Variants in AGTR1 observed in about 807,000 individuals in gnomAD.
AGTR1 encodes the protein type-1 angiotensin II receptor.
AGTR1 carries 16 observed loss-of-function variants against 19.4 expected under a neutral mutation model. That is an observed-to-expected ratio of 0.82 (90% confidence interval 0.56 to 1.25). The LOEUF is 1.25. AGTR1 is among the 50% of genes most tolerant of loss of function. The probability of loss-of-function intolerance (pLI) is 0.00; values close to 1 mark genes in which losing one functional copy is unlikely to be tolerated. For synonymous variants in AGTR1, 153 were observed against 154.9 expected, an observed-to-expected ratio of 0.99 and a Z score of 0.09; for missense variants, 373 against 431.9, an observed-to-expected ratio of 0.86 and a Z score of 1.21.
rs1714885940 is a variant in AGTR1 at position 148,741,519 on chromosome 3, C to T, written c.484C>T (p.Pro162Ser). 6.2e-7 allele frequency: 1 copy of T among 1,613,910 alleles called. No homozygotes were observed. Among genetic ancestry groups the T allele is most frequent in the Non-Finnish European group, 8.5e-7 (1 of 1,179,994 alleles). Reference sequence around the variant, plus strand: ...GCTGCTGGCAGGCTTGGCCAGTTTGCCAGCTATAATCCATCGAAATGTATT... The same window carrying T: ...GCTGCTGGCAGGCTTGGCCAGTTTGTCAGCTATAATCCATCGAAATGTATT... ...IWLLAGLASL[P>S]AIIHRNVFFI... Residue 162 changes from proline (P) to serine (S), a missense_variant, in exon 3 of 3, where the codon CCA (proline) becomes TCA (serine). Physicochemically the swap from Pro to Ser is moderately conservative, Grantham distance 74. Coordinates refer to ENST00000349243, the MANE Select transcript of AGTR1 (RefSeq NM_000685.5).
chr3:148,717,189 G>A (rs770266525), intron 2 of AGTR1, among the ~76,000 whole-genome samples: 51 of 151,978 alleles, frequency 3.4e-4, no homozygotes, highest in Non-Finnish European at 7.2e-4. Flanking sequence ...TATAAAGGAA[G>A]ACAAAAAAGA....
intron 2 of AGTR1, 148 bp from the exon 3 acceptor site, chr3:148,740,839 TCA>T (rs1301528013): frequency 2.9e-6 from 2 of 686,538 alleles, no homozygotes; most frequent in African/African-American, 3.6e-5. Flanking sequence ...CTTTATCAGT[TCA>T]CAGTGTTTCC....
chr3:148,737,246 T>C (rs1407843026), intron 2 of AGTR1, among the ~76,000 whole-genome samples: 1 of 152,012 alleles, frequency 6.6e-6, no homozygotes, highest in Non-Finnish European at 1.5e-5. Context: ...GCAATATCTG[T>C]TAATTTATGA....
At chr3:148,734,150 G>A (rs913376561) in intron 2 of AGTR1, among the ~76,000 whole-genome samples, 3 of 152,196 alleles carry the variant, frequency 2.0e-5, no homozygotes, top group Non-Finnish European at 2.9e-5. Context: ...AAGTTTAATT[G>A]TAGTTTAGAG....
At position 148,700,169 on chromosome 3, in the gene AGTR1, G is replaced by A. The variant is rs148638457; in HGVS notation, c.-132+2042G>A. ...GGATCAGAGTTGTGTGAGTATTTGTGTATATAATTTTGTTTTGGTTTTTTG... is the reference window on the plus strand; with the variant it reads ...GGATCAGAGTTGTGTGAGTATTTGTATATATAATTTTGTTTTGGTTTTTTG... On this transcript the variant is annotated intron_variant, in intron 1 of 2. Transcript: ENST00000349243. Among the ~76,000 whole-genome samples the A allele has an allele frequency of 3.4e-3, 524 of 152,106 alleles. 3 individuals carry two copies. The highest frequency in any genetic ancestry group is 0.012 in the African/African-American group (503 of 41,464).
At chr3:148,710,901 CCT>C (rs897113913) in intron 2 of AGTR1, among the ~76,000 whole-genome samples, 8 of 151,906 alleles carry the variant, frequency 5.3e-5, no homozygotes, top group African/African-American at 1.7e-4. Flanking sequence ...ACACCTCCCC[CCT>C]CTCTCTCTTG....
intron 2 of AGTR1, chr3:148,730,599 T>C (rs919630403): frequency 6.1e-6 from 1 of 164,598 alleles, no homozygotes; most frequent in Non-Finnish European, 1.3e-5. Context: ...GTTGGATTGG[T>C]TTTGCCTGTT....
At position 148,741,998 on chromosome 3, in the gene AGTR1, C is replaced by A; in HGVS notation, c.963C>A (p.Pro321=). ...TTCTCCAGCTTCTAAAATATATTCC[C>A]CCAAAAGCCAAATCCCACTCAAACC... is the stretch of plus-strand genomic sequence containing the variant. The part of the protein sequence containing the change: ...RYFLQLLKYI[P]PKAKSHSNLS... The change falls in exon 3 of 3, where the codon CCC becomes CCA. Residue 321 remains proline (P), a synonymous_variant. Transcript: ENST00000349243. 1 of 1,613,428 alleles carries A rather than the reference C, an allele frequency of 6.2e-7. No individual in the cohort carries two copies.
rs192285605 is a variant in AGTR1 at position 148,706,937 on chromosome 3, G to T, written c.-131-1007G>T. Among the ~76,000 whole-genome samples the T allele has an allele frequency of 2.1e-3, 321 of 152,008 alleles. 1 individual carries two copies. The highest frequency in any genetic ancestry group is 7.4e-3 in the African/African-American group (307 of 41,522). ...CATATACAAACAATTTGGTTCAACA[G>T]TCTGTTAGAATTTATTATATAGATA... On this transcript the variant is annotated intron_variant, in intron 1 of 2. Coordinates refer to ENST00000349243, the MANE Select transcript of AGTR1 (RefSeq NM_000685.5).
At chr3:148,737,945 T>C (rs1209772304) in intron 2 of AGTR1, among the ~76,000 whole-genome samples, 4 of 152,142 alleles carry the variant, frequency 2.6e-5, no homozygotes, top group Admixed American at 1.3e-4. Flanking sequence ...TATGAATCAA[T>C]GGTAACTGAA....
chr3:148,737,268 C>T (rs1400026653), intron 2 of AGTR1, among the ~76,000 whole-genome samples: 3 of 152,008 alleles, frequency 2.0e-5, no homozygotes, highest in Non-Finnish European at 4.4e-5. Context: ...AGCTGTTTCC[C>T]ATAGATGATG....
rs12695884 is a variant in AGTR1, at chr3:148,716,025, T to A, written c.-48+7998T>A. The stretch of plus-strand genomic sequence containing the variant: ...TGCATACTTAAATGCTATGCAACAG[T>A]GGCACTTACCCCCAAACCGTATCCT... On this transcript the variant is annotated intron_variant, in intron 2 of 2. Coordinates refer to ENST00000349243, the MANE Select transcript of AGTR1 (RefSeq NM_000685.5). The surrounding 1 kb of genome is among the most constrained non-coding windows in gnomAD (Gnocchi z 4.7). Among the ~76,000 whole-genome samples, 3,389 of 152,280 alleles carry A rather than the reference T, an allele frequency of 0.022. 119 individuals carry two copies. Among genetic ancestry groups the A allele is most frequent in the African/African-American group, 0.077 (3,218 of 41,536 alleles).
chr3:148,738,091 T>C (rs554002079), intron 2 of AGTR1, among the ~76,000 whole-genome samples: 4 of 152,174 alleles, frequency 2.6e-5, no homozygotes, highest in Non-Finnish European at 5.9e-5. Flanking sequence ...AATAAAATTC[T>C]ACTCACTCCA....
At chr3:148,713,297 A>G (rs1185015509) in intron 2 of AGTR1, among the ~76,000 whole-genome samples, 2 of 149,666 alleles carry the variant, frequency 1.3e-5, no homozygotes, top group Non-Finnish European at 2.9e-5. Context: ...CCATCCATCA[A>G]TCCATATTGG....
At chr3:148,707,550 A>G (rs1369189002) in intron 1 of AGTR1, among the ~76,000 whole-genome samples, 3 of 152,190 alleles carry the variant, frequency 2.0e-5, no homozygotes, top group African/African-American at 7.2e-5. Context: ...TAATAGAATC[A>G]TTTAAGTTTA....
chr3:148,699,342 C>T (rs1428126759), intron 1 of AGTR1, among the ~76,000 whole-genome samples: 1 of 152,184 alleles, frequency 6.6e-6, no homozygotes, highest in Admixed American at 6.5e-5. Context: ...TTTCACATAG[C>T]ATATGCTTTA....
At chr3:148,733,843 C>G (rs1391873394) in intron 2 of AGTR1, among the ~76,000 whole-genome samples, 5 of 152,120 alleles carry the variant, frequency 3.3e-5, no homozygotes, top group Admixed American at 2.0e-4. Flanking sequence ...TCCTTTTCTC[C>G]TAGTCTCTGG....
chr3:148,738,421 T>C (rs961963103), intron 2 of AGTR1, among the ~76,000 whole-genome samples: 3 of 151,924 alleles, frequency 2.0e-5, no homozygotes, highest in African/African-American at 7.3e-5. Flanking sequence ...GGATAGTAAA[T>C]AGGTAAATTA....
In AGTR1 at chr3:148,706,700, A is replaced by C. The variant is rs549324580; in HGVS notation, c.-131-1244A>C. Among the ~76,000 whole-genome samples, 4 of 152,170 alleles carry C rather than the reference A, an allele frequency of 2.6e-5. No individual in the cohort carries two copies. In the South Asian group the frequency reaches 8.3e-4, roughly 32 times the overall value. On this transcript the variant is annotated intron_variant, in intron 1 of 2. Transcript: ENST00000349243. The stretch of plus-strand genomic sequence containing the variant: ...GAAACATGAGCAAAAGCCATGGCTG[A>C]GAAAACTCGTAGAAGAATTACTATG...
Sources: gnomAD v4.1 joint callset for allele counts (sites outside exome capture counted in the v4.1 genomes callset) on GRCh38, gnomAD v4.1.1 for gene constraint, Gnocchi (gnomAD v3.1) non-coding constraint, MANE v1.5 for transcripts, NCBI Gene and HGNC (gene_info 2026-07-23, HGNC 2026-07-21) for gene names.